KCNIP4: variants seen among roughly 807,000 people sequenced by gnomAD.
KCNIP4 encodes the protein potassium voltage-gated channel interacting protein 4.
Under a neutral mutation model 34.0 loss-of-function variants are expected in KCNIP4, and 12 were observed. The ratio of observed to expected loss-of-function variants is 0.35; its 90% CI spans 0.23 to 0.57. The LOEUF (loss-of-function observed/expected upper bound fraction) is 0.57. Among genes scored for constraint, KCNIP4 ranks in the 20% least tolerant of loss-of-function variants. The probability of loss-of-function intolerance (pLI) is 0.83; values close to 1 mark genes in which losing one functional copy is unlikely to be tolerated. For missense variants in KCNIP4, 238 were observed against 311.7 expected (o/e 0.76, Z 1.78); for synonymous variants, 124 against 102.2 (o/e 1.21, Z -1.29).
chr4:20,835,562 G>T (rs1171920969), intron 3 of KCNIP4, among the ~76,000 whole-genome samples: 1 of 152,116 alleles, frequency 6.6e-6, no homozygotes, highest in Non-Finnish European at 1.5e-5. Context: ...TTCAATGCAT[G>T]TTATTTTTCT....
At chr4:21,041,864 A>T (rs1741992364) in intron 1 of KCNIP4, among the ~76,000 whole-genome samples, 1 of 152,208 alleles carries the variant, frequency 6.6e-6, no homozygotes, top group Non-Finnish European at 1.5e-5. Flanking sequence ...CCATGATAAA[A>T]TCAGTGTGAA....
chr4:21,608,476 T>G (rs1471303533), intron 1 of KCNIP4, among the ~76,000 whole-genome samples: 1 of 152,148 alleles, frequency 6.6e-6, no homozygotes, highest in African/African-American at 2.4e-5. Context: ...TGTGTCTCCT[T>G]CCTCCATTTT....
At chr4:21,765,097 A>G (rs1718319327) in intron 1 of KCNIP4, among the ~76,000 whole-genome samples, 1 of 152,006 alleles carries the variant, frequency 6.6e-6, no homozygotes, top group African/African-American at 2.4e-5. Flanking sequence ...TAATAATATT[A>G]GTACGAATTT....
intron 1 of KCNIP4, among the ~76,000 whole-genome samples, chr4:21,187,848 C>T (rs369209360): frequency 3.9e-5 from 6 of 152,140 alleles, no homozygotes; most frequent in African/African-American, 7.2e-5. Context: ...CAGGCTGGCT[C>T]GAAATTAGCA....
intron 1 of KCNIP4, among the ~76,000 whole-genome samples, chr4:21,248,852 T>G (rs1560214018): frequency 6.6e-6 from 1 of 152,016 alleles, no homozygotes; most frequent in Non-Finnish European, 1.5e-5. Context: ...TTAAACAACT[T>G]TCAAAGTCAA....
chr4:21,820,290 TATATATATA>T (rs1722268547), intron 1 of KCNIP4, among the ~76,000 whole-genome samples: 3 of 6,856 alleles, frequency 4.4e-4, no homozygotes. Context: ...TGTGTGTATA[TATATATATA>T]TATATATATA....
intron 1 of KCNIP4, among the ~76,000 whole-genome samples, chr4:21,256,476 G>A (rs970355487): frequency 6.6e-6 from 1 of 151,518 alleles, no homozygotes; most frequent in Admixed American, 6.6e-5. Context: ...GTGCACACCT[G>A]TAGTTCCAGC....
chr4:21,285,872 ACAAAAG>A (rs1763091062), intron 1 of KCNIP4, among the ~76,000 whole-genome samples: 1 of 152,130 alleles, frequency 6.6e-6, no homozygotes, highest in African/African-American at 2.4e-5. Context: ...AATAAACAAC[ACAAAAG>A]CATGGCTTGA....
chr4:21,289,525 A>G (rs1437024296), intron 1 of KCNIP4, among the ~76,000 whole-genome samples: 1 of 152,192 alleles, frequency 6.6e-6, no homozygotes, highest in East Asian at 1.9e-4. Flanking sequence ...TTTTTATTCA[A>G]GAAAATAAAT....
intron 1 of KCNIP4, among the ~76,000 whole-genome samples, chr4:21,186,108 C>T (rs1478275183): frequency 6.6e-6 from 1 of 152,142 alleles, no homozygotes; most frequent in East Asian, 1.9e-4. Context: ...CATGTGTCCA[C>T]TTTTCCAAGC....
intron 1 of KCNIP4, among the ~76,000 whole-genome samples, chr4:21,757,267 GAAA>G (rs777446099): frequency 1.6e-4 from 11 of 69,450 alleles, no homozygotes; most frequent in South Asian, 3.2e-4. Context: ...GAAAAGAAAA[GAAA>G]AGAAAAGAAA....
intron 1 of KCNIP4, among the ~76,000 whole-genome samples, chr4:21,036,120 C>T (rs1741421070): frequency 6.6e-6 from 1 of 152,240 alleles, no homozygotes; most frequent in African/African-American, 2.4e-5. Flanking sequence ...CAATAAATCA[C>T]TTGCTCCATA....
At position 21,121,283 on chromosome 4, in the gene KCNIP4, A is replaced by G. The variant is rs11936347; in HGVS notation, c.62-238574T>C. ...GTGCAAAGGCAAAGGGAGAAGGCAT[A>G]TAGGAGCTTTTACACTTAGAAATTG... On this transcript the variant is annotated intron_variant, in intron 1 of 8. Transcript: ENST00000382152. Among the ~76,000 whole-genome samples the G allele has an allele frequency of 7.3e-3, 1,109 of 152,332 alleles. 17 individuals carry two copies. The highest frequency in any genetic ancestry group is 0.026 in the African/African-American group (1,062 of 41,562).
intron 1 of KCNIP4, among the ~76,000 whole-genome samples, chr4:21,459,319 G>T (rs375598036): frequency 6.6e-6 from 1 of 152,036 alleles, no homozygotes; most frequent in African/African-American, 2.4e-5. Context: ...CTGGAAACAC[G>T]TTCTGAATTT....
At chr4:21,069,366 T>C (rs918503855) in intron 1 of KCNIP4, among the ~76,000 whole-genome samples, 2 of 152,234 alleles carry the variant, frequency 1.3e-5, no homozygotes, top group South Asian at 2.1e-4. Context: ...TTCTACTCTG[T>C]TGACAATGCT....
intron 1 of KCNIP4, among the ~76,000 whole-genome samples, chr4:21,298,274 T>C (rs931063070): frequency 2.0e-5 from 3 of 152,074 alleles, no homozygotes; most frequent in Non-Finnish European, 4.4e-5. Context: ...AAGGTTGGGG[T>C]GTGTGTTTTC....
intron 1 of KCNIP4, among the ~76,000 whole-genome samples, chr4:21,605,949 G>A (rs368950321): frequency 2.0e-5 from 3 of 152,126 alleles, no homozygotes; most frequent in Non-Finnish European, 4.4e-5. Flanking sequence ...ACCATCCTCT[G>A]TTGTCTTAGA....
intron 1 of KCNIP4, among the ~76,000 whole-genome samples, chr4:21,853,635 G>A (rs1724557469): frequency 6.6e-6 from 1 of 152,056 alleles, no homozygotes; most frequent in African/African-American, 2.4e-5. Flanking sequence ...GGATACAACA[G>A]AAACATTCAG....
intron 1 of KCNIP4, chr4:21,544,523 T>C (rs896011102): frequency 6.6e-6 from 1 of 152,184 alleles, no homozygotes; most frequent in African/African-American, 2.4e-5. Context: ...ATGCTCATTC[T>C]GGTTGTTGGC....
Sources: gnomAD v4.1 joint callset for allele counts (sites outside exome capture counted in the v4.1 genomes callset) on GRCh38, gnomAD v4.1.1 for gene constraint, MANE v1.5 for transcripts, NCBI Gene and HGNC (gene_info 2026-07-23, HGNC 2026-07-21) for gene names.